MAP3K20: variants seen among roughly 807,000 people sequenced by gnomAD.
MAP3K20 encodes the protein mitogen-activated protein kinase kinase kinase 20, also known as HCCS-4.
MAP3K20 carries 40 observed loss-of-function variants against 85.7 expected under a neutral mutation model. The ratio of observed to expected loss-of-function variants is 0.47; its 90% CI spans 0.36 to 0.61. The LOEUF (loss-of-function observed/expected upper bound fraction) is 0.61, where lower values mean the gene tolerates loss of function less well. MAP3K20 is among the 20% of genes least tolerant of loss of function. The pLI, the probability that MAP3K20 is intolerant of heterozygous loss-of-function variation, is 0.00. For missense variants in MAP3K20, 817 were observed against 961.7 expected (o/e 0.85, Z 1.99); for synonymous variants, 325 against 327.7 (o/e 0.99, Z 0.09).
At chr2:173,213,398 C>T (rs536708453) in intron 10 of MAP3K20, among the ~76,000 whole-genome samples, 3 of 152,120 alleles carry the variant, frequency 2.0e-5, no homozygotes, top group Non-Finnish European at 2.9e-5. Context: ...TTGACCTGAA[C>T]CAGTAAACCA....
chr2:173,158,126 GAAAGGGT>G (rs1689534511), intron 2 of MAP3K20, among the ~76,000 whole-genome samples: 1 of 152,196 alleles, frequency 6.6e-6, no homozygotes, highest in Admixed American at 6.5e-5. Context: ...CTTCCCCTGT[GAAAGGGT>G]GATTAATAGT....
In MAP3K20 at chr2:173,096,053, G is replaced by A. The variant is rs545292700; in HGVS notation, c.159+4863G>A. On this transcript the variant is annotated intron_variant, in intron 2 of 19. Transcript: ENST00000375213. ...GCCTATCATTAATATAAATACTTGC[G>A]TTATAAGATGTGTATGCAGCTATCT... 1.4e-4 allele frequency among the ~76,000 whole-genome samples: 21 copies of A among 152,164 alleles called. 1 individual carries two copies. Among genetic ancestry groups the A allele is most frequent in the South Asian group, 1.2e-3 (6 of 4,816 alleles).
intron 9 of MAP3K20, among the ~76,000 whole-genome samples, chr2:173,208,817 G>GTAAT (rs1390872967): frequency 6.6e-6 from 1 of 152,170 alleles, no homozygotes; most frequent in Non-Finnish European, 1.5e-5. Flanking sequence ...CAGTAATGGC[G>GTAAT]TAATTACGAG....
At chr2:173,239,254 G>A (rs924202579) in intron 15 of MAP3K20, 150 bp from the exon 16 acceptor site, 9 of 605,748 alleles carry the variant, frequency 1.5e-5, no homozygotes, top group Admixed American at 1.1e-4. Context: ...GTTGGTTGAT[G>A]TAATTAGAAT....
chr2:173,221,372 A>G (rs1684242858), intron 11 of MAP3K20: 1 of 1,614,004 alleles, frequency 6.2e-7, no homozygotes, highest in Admixed American at 1.7e-5. Flanking sequence ...GCAGATAAAC[A>G]TGCAAGCCAA....
rs78835667 is a variant in MAP3K20 at position 173,182,599 on chromosome 2, G to A, written c.248-255G>A. 2.4e-3 allele frequency among the ~76,000 whole-genome samples: 365 copies of A among 152,148 alleles called. 1 individual carries two copies. The highest frequency in any genetic ancestry group is 3.6e-3 in the Non-Finnish European group (246 of 67,978). Reference sequence around the variant, plus strand: ...ATTTATTCTTCCAACACCTCTTTGGGTTTCTCAGTTCCAGCTAAATGGCTT... The same window carrying A: ...ATTTATTCTTCCAACACCTCTTTGGATTTCTCAGTTCCAGCTAAATGGCTT... On this transcript the variant is annotated intron_variant, in intron 3 of 19. Coordinates refer to ENST00000375213, the MANE Select transcript of MAP3K20 (RefSeq NM_016653.3).
Position 173,169,812 on chromosome 2 carries a change from TACTC to T in MAP3K20, c.169_172del (p.Leu57ValfsTer14). 6.2e-7 allele frequency: 1 copy of T among 1,613,156 alleles called. No homozygotes were observed. On this transcript the variant is annotated frameshift_variant, in exon 3 of 20. Transcript: ENST00000375213. LOFTEE classifies it high-confidence loss of function. Reference sequence around the variant, plus strand: ...ATTTTATTTTTTGTACAGGCAGAAATACTCAGTGTCCTCAGTCACAGAAACATCA... The same window carrying T: ...ATTTTATTTTTTGTACAGGCAGAAATAGTGTCCTCAGTCACAGAAACATCA...
chr2:173,092,796 C>G (rs190492583), intron 2 of MAP3K20, among the ~76,000 whole-genome samples: 16 of 152,274 alleles, frequency 1.1e-4, no homozygotes, highest in African/African-American at 3.9e-4. Context: ...TCCCCCCTCC[C>G]CAAGGATACC....
At position 173,227,005 on chromosome 2, in the gene MAP3K20, G is replaced by A. The variant is rs1042635933; in HGVS notation, c.988-2684G>A. 1.0e-5 allele frequency: 10 copies of A among 985,636 alleles called. No homozygotes were observed. In the South Asian group the frequency reaches 3.8e-4, roughly 37 times the overall value. 61.1% of individuals were successfully genotyped at this position (985,636 alleles called of 1,614,324 possible). A position where few individuals can be genotyped will look rare whatever the true frequency, so the allele number is the denominator to read the frequency against. ...GACTATTTCAGTTACTGATTTTATA[G>A]TTGGAATTTGATATTCCAGCACAAA... On this transcript the variant is annotated intron_variant, in intron 11 of 19. Transcript: ENST00000375213.
chr2:173,174,693 A>G (rs762645014), intron 3 of MAP3K20, among the ~76,000 whole-genome samples: 22 of 152,208 alleles, frequency 1.4e-4, no homozygotes, highest in Non-Finnish European at 2.5e-4. Flanking sequence ...TTATAGTAGA[A>G]TGATTTATAA....
chr2:173,216,533 G>A (rs1012901320), intron 10 of MAP3K20, among the ~76,000 whole-genome samples: 2 of 150,954 alleles, frequency 1.3e-5, no homozygotes, highest in African/African-American at 4.9e-5. Flanking sequence ...AAAACAAGTT[G>A]CCTATGTAAG....
intron 2 of MAP3K20, among the ~76,000 whole-genome samples, chr2:173,133,634 G>A (rs778222040): frequency 2.0e-5 from 3 of 152,198 alleles, no homozygotes; most frequent in South Asian, 2.1e-4. Context: ...TCAAAATGAC[G>A]TGGTGGGCTT....
At chr2:173,238,167 T>A (rs555320894) in intron 14 of MAP3K20, among the ~76,000 whole-genome samples, 97 of 152,304 alleles carry the variant, frequency 6.4e-4, no homozygotes, top group Non-Finnish European at 7.6e-4. Context: ...AAAAAATTTT[T>A]AAAAATTTCT....
chr2:173,261,026 G>T (rs766594570), intron 17 of MAP3K20, 37 bp from the exon 18 acceptor site: 1 of 1,597,770 alleles, frequency 6.3e-7, no homozygotes, highest in African/African-American at 1.3e-5. Context: ...AGCAGACTGT[G>T]TTATGGTACT....
At chr2:173,229,643 G>T in intron 11 of MAP3K20, 46 bp from the exon 12 acceptor site, 1 of 1,610,712 alleles carries the variant, frequency 6.2e-7, no homozygotes, top group Non-Finnish European at 8.5e-7. Context: ...AAAAGACAAT[G>T]ATAATATTAC....
chr2:173,145,678 G>A (rs1432615493), intron 2 of MAP3K20, among the ~76,000 whole-genome samples: 1 of 152,070 alleles, frequency 6.6e-6, no homozygotes, highest in African/African-American at 2.4e-5. Context: ...GTGTGAAATG[G>A]TATCACCTCT....
At chr2:173,190,692 T>C (rs1275577292) in intron 5 of MAP3K20, among the ~76,000 whole-genome samples, 1 of 152,214 alleles carries the variant, frequency 6.6e-6, no homozygotes, top group Non-Finnish European at 1.5e-5. Flanking sequence ...CTCAGAAGCC[T>C]TTTTAATCAG....
chr2:173,121,455 C>T (rs867647694), intron 2 of MAP3K20, among the ~76,000 whole-genome samples: 9 of 152,156 alleles, frequency 5.9e-5, no homozygotes, highest in Non-Finnish European at 8.8e-5. Flanking sequence ...CAGGCAATCT[C>T]GGCTCACTGT....
At chr2:173,257,477 CA>C (rs1219729292) in intron 16 of MAP3K20, among the ~76,000 whole-genome samples, 1 of 152,082 alleles carries the variant, frequency 6.6e-6, no homozygotes, top group African/African-American at 2.4e-5. Context: ...GAGATTGATC[CA>C]AATTGTTGCA....
Sources: gnomAD v4.1 joint callset for allele counts (sites outside exome capture counted in the v4.1 genomes callset) on GRCh38, gnomAD v4.1.1 for gene constraint, MANE v1.5 for transcripts, NCBI Gene and HGNC (gene_info 2026-07-23, HGNC 2026-07-21) for gene names.